Variants in DOCK9 observed in about 807,000 individuals in gnomAD.
The protein encoded by DOCK9 is dedicator of cytokinesis protein 9.
A neutral mutation model predicts 263.3 loss-of-function variants in DOCK9; 89 were observed. That is an observed-to-expected ratio of 0.34 (90% CI 0.28 to 0.40). The LOEUF (loss-of-function observed/expected upper bound fraction) is 0.40, where lower values mean the gene tolerates loss of function less well. Ranked by LOEUF, DOCK9 falls within the 10% of genes least tolerant of loss-of-function variation. The pLI is 1.00. For missense variants in DOCK9, 2,140 were observed against 2,603.4 expected (o/e 0.82, Z 3.87); for synonymous variants, 976 against 973.1 (o/e 1.00, Z -0.06).
chr13:98,895,719 A>T (rs2047330736), intron 15 of DOCK9, among the ~76,000 whole-genome samples: 1 of 152,182 alleles, frequency 6.6e-6, no homozygotes, highest in Admixed American at 6.5e-5. Context: ...AACTAGTAGT[A>T]AACCTTTTTT....
At chr13:98,910,741 T>G (rs989390175) in intron 9 of DOCK9, among the ~76,000 whole-genome samples, 8 of 152,146 alleles carry the variant, frequency 5.3e-5, no homozygotes, top group Non-Finnish European at 1.0e-4. Flanking sequence ...GGCCCTTCTT[T>G]GTAATCTTAC....
intron 1 of DOCK9, among the ~76,000 whole-genome samples, chr13:99,059,432 C>T (rs1428648506): frequency 7.0e-6 from 1 of 142,820 alleles, no homozygotes; most frequent in Non-Finnish European, 1.6e-5. Context: ...TAATCAATTA[C>T]CCAACCCCAC....
chr13:98,863,590 A>C (rs759060736), intron 30 of DOCK9, 42 bp from the exon 31 acceptor site: 5 of 1,544,344 alleles, frequency 3.2e-6, no homozygotes. Context: ...GAAAGATGCA[A>C]TGCTCTTTGA....
rs1335441949 is a variant in DOCK9, at chr13:98,902,481, A to G, written c.1187T>C (p.Phe396Ser). The G allele has an allele frequency of 1.2e-6, 2 of 1,613,820 alleles. No individual in the cohort carries two copies. Among genetic ancestry groups the G allele is most frequent in the Non-Finnish European group, 1.7e-6 (2 of 1,179,818 alleles). Residue 396 changes from phenylalanine (F) to serine (S), a missense_variant, in exon 12 of 53, where the codon TTC (phenylalanine) becomes TCC (serine). Coordinates refer to ENST00000682017, the MANE Select transcript of DOCK9 (RefSeq NM_001366683.2). Reference protein sequence around the residue: ...EEGPTTNVEPFFVTLSLFDIK... With the variant: ...EEGPTTNVEPSFVTLSLFDIK... ...GTCAAACAGGGATAGAGTAACAAAGAAAGGTTCAACCTGAACAAAACAAAA... is the reference window on the plus strand; with the variant it reads ...GTCAAACAGGGATAGAGTAACAAAGGAAGGTTCAACCTGAACAAAACAAAA...
chr13:98,905,662 T>A (rs1362954895), intron 9 of DOCK9, among the ~76,000 whole-genome samples: 2 of 152,090 alleles, frequency 1.3e-5, no homozygotes, highest in East Asian at 3.9e-4. Flanking sequence ...ACCCCTTGTT[T>A]AGCATATCAT....
At chr13:98,973,497 T>C (rs1161141837) in intron 1 of DOCK9, among the ~76,000 whole-genome samples, 1 of 152,242 alleles carries the variant, frequency 6.6e-6, no homozygotes, top group African/African-American at 2.4e-5. Context: ...GCTAGAGTAA[T>C]CACGTGGTCA....
intron 1 of DOCK9, among the ~76,000 whole-genome samples, chr13:98,973,136 T>C (rs145915754): frequency 2.2e-3 from 341 of 152,370 alleles, no homozygotes; most frequent in African/African-American, 7.6e-3. Flanking sequence ...TTAAATATTA[T>C]TGATGTAATA....
At chr13:98,881,457 A>G (rs988093703) in intron 25 of DOCK9, 101 bp downstream of exon 25, 1 of 932,870 alleles carries the variant, frequency 1.1e-6, no homozygotes, top group Non-Finnish European at 1.6e-6. Context: ...CATACGTTAC[A>G]AGCACATCCT....
intron 2 of DOCK9, among the ~76,000 whole-genome samples, chr13:98,931,587 T>G (rs9513512): frequency 6.6e-6 from 1 of 151,846 alleles, no homozygotes; most frequent in Non-Finnish European, 1.5e-5. Flanking sequence ...CGTGAGCCAC[T>G]GCGCCCAGCC....
At chr13:99,003,076 C>T (rs891408453) in intron 1 of DOCK9, among the ~76,000 whole-genome samples, 1 of 152,100 alleles carries the variant, frequency 6.6e-6, no homozygotes, top group Non-Finnish European at 1.5e-5. Flanking sequence ...TCAATTCTTT[C>T]CCCAGTCTAC....
At chr13:98,851,630 C>A (rs1451988825) in intron 35 of DOCK9, among the ~76,000 whole-genome samples, 1 of 152,142 alleles carries the variant, frequency 6.6e-6, no homozygotes, top group East Asian at 1.9e-4. Context: ...CAAGGAGGGG[C>A]CCAGCATGTA....
chr13:98,968,007 GC>G (rs1272960096), intron 1 of DOCK9, among the ~76,000 whole-genome samples: 1 of 151,110 alleles, frequency 6.6e-6, no homozygotes, highest in Non-Finnish European at 1.5e-5. Context: ...CCAGTGACTC[GC>G]CCCCAAAATG....
chr13:98,952,410 A>T (rs1313232892), intron 2 of DOCK9, among the ~76,000 whole-genome samples: 2 of 145,502 alleles, frequency 1.4e-5, no homozygotes, highest in East Asian at 2.1e-4. Context: ...TAATTTTTGT[A>T]TTTTCTGGTA....
chr13:98,800,189 C>T (rs553619005), intron 50 of DOCK9, 99 bp downstream of exon 50: 28 of 1,278,362 alleles, frequency 2.2e-5, no homozygotes, highest in Admixed American at 2.6e-5. Context: ...CTTGGTAAAC[C>T]GAGGCTCTCA....
chr13:99,044,321 A>C (rs1323212396), intron 1 of DOCK9, among the ~76,000 whole-genome samples: 1 of 152,224 alleles, frequency 6.6e-6, no homozygotes. Flanking sequence ...AGTGGGTCTT[A>C]TTCATGTTTG....
chr13:98,987,182 A>C (rs145944722), intron 1 of DOCK9, among the ~76,000 whole-genome samples: 2 of 152,366 alleles, frequency 1.3e-5, no homozygotes, highest in East Asian at 1.9e-4. Context: ...AAAATTGATT[A>C]AAGTGTCAGG....
intron 1 of DOCK9, among the ~76,000 whole-genome samples, chr13:99,073,220 C>T (rs1175468230): frequency 6.6e-6 from 1 of 152,170 alleles, no homozygotes; most frequent in Non-Finnish European, 1.5e-5. Flanking sequence ...GCATATCCTA[C>T]CCCTGATGTC....
chr13:98,957,767 A>T (rs912480904), intron 1 of DOCK9, among the ~76,000 whole-genome samples: 1 of 152,242 alleles, frequency 6.6e-6, no homozygotes, highest in Non-Finnish European at 1.5e-5. Context: ...CATATTCCTA[A>T]TAAAACCCAA....
intron 1 of DOCK9, among the ~76,000 whole-genome samples, chr13:99,062,577 G>A (rs1325450565): frequency 3.3e-5 from 5 of 152,146 alleles, no homozygotes; most frequent in African/African-American, 7.2e-5. Flanking sequence ...TTAAAGACAC[G>A]GAAAGAATGA....
Sources: allele counts gnomAD v4.1 joint callset (sites outside exome capture counted in the v4.1 genomes callset), GRCh38; gene constraint gnomAD v4.1.1; transcripts MANE v1.5; gene names NCBI Gene and HGNC (gene_info 2026-07-23, HGNC 2026-07-21).